PAK1: variants seen among roughly 807,000 people sequenced by gnomAD.
PAK1 encodes serine/threonine-protein kinase PAK 1.
In PAK1, 29 loss-of-function variants were observed where a neutral mutation model predicts 67.4. The observed-to-expected ratio is 0.43, with a 90% CI of 0.32 to 0.59. The LOEUF is 0.59. Among genes scored for constraint, PAK1 ranks in the 20% least tolerant of loss-of-function variants. The probability of loss-of-function intolerance (pLI) is 0.07; values close to 1 mark genes in which losing one functional copy is unlikely to be tolerated. For missense variants in PAK1, 337 were observed against 670.7 expected, an observed-to-expected ratio of 0.50 and a Z score of 5.50; for synonymous variants, 223 against 237.4, an observed-to-expected ratio of 0.94 and a Z score of 0.56.
At chr11:77,394,302 A>G (rs923986223) in intron 1 of PAK1, among the ~76,000 whole-genome samples, 14 of 152,182 alleles carry the variant, frequency 9.2e-5, no homozygotes, top group African/African-American at 3.4e-4. Context: ...TGGCCTCCAT[A>G]AATTTTGATT....
At chr11:77,500,865 C>T in the PAK1 span, among the ~76,000 whole-genome samples, 1 of 151,984 alleles carries the variant, frequency 6.6e-6, no homozygotes, top group Non-Finnish European at 1.5e-5. Flanking sequence ...TCAGTTCTTT[C>T]CCAACAGACT....
chr11:77,336,306 G>T, intron 12 of PAK1, 24 bp from the exon 13 acceptor site: 1 of 1,571,820 alleles, frequency 6.4e-7, no homozygotes, highest in Non-Finnish European at 8.7e-7. Context: ...ATAAGAGAAA[G>T]AACATACATT....
At chr11:77,418,307 C>T (rs1955080107) in intron 1 of PAK1, among the ~76,000 whole-genome samples, 1 of 152,156 alleles carries the variant, frequency 6.6e-6, no homozygotes. Flanking sequence ...ATCTAGCGTA[C>T]CCTCCACTAA....
chr11:77,520,535 C>T, the PAK1 span, among the ~76,000 whole-genome samples: 1 of 152,148 alleles, frequency 6.6e-6, no homozygotes, highest in Non-Finnish European at 1.5e-5. Context: ...AACTTTTACC[C>T]TCTTGCCAGC....
At chr11:77,373,345 T>A (rs1948680414) in intron 5 of PAK1, among the ~76,000 whole-genome samples, 1 of 151,980 alleles carries the variant, frequency 6.6e-6, no homozygotes, top group Non-Finnish European at 1.5e-5. Context: ...GAACACATAA[T>A]GAGAACCACA....
intron 1 of PAK1, among the ~76,000 whole-genome samples, chr11:77,408,422 A>G (rs1953962165): frequency 6.6e-6 from 1 of 151,994 alleles, no homozygotes; most frequent in Non-Finnish European, 1.5e-5. Flanking sequence ...CTGTCTCAAG[A>G]AAAGAAAAAG....
the PAK1 span, among the ~76,000 whole-genome samples, chr11:77,525,067 A>C: frequency 6.6e-6 from 1 of 152,068 alleles, no homozygotes; most frequent in Non-Finnish European, 1.5e-5. Context: ...AAAATAGGCC[A>C]GGCAATGTAG....
chr11:77,379,409 A>G, intron 3 of PAK1, 21 bp from the exon 4 acceptor site: 1 of 1,605,258 alleles, frequency 6.2e-7, no homozygotes, highest in Middle Eastern at 2.0e-4. Flanking sequence ...GACATGCAAG[A>G]CTAACAGGAA....
Position 77,450,894 on chromosome 11 carries a change from T to C in PAK1, c.-22+22658A>G, listed in dbSNP as rs1471432320. On this transcript the variant is annotated intron_variant, in intron 1 of 14. Coordinates refer to ENST00000356341, the MANE Select transcript of PAK1 (RefSeq NM_002576.5). Reference sequence around the variant, plus strand: ...CAAAACCTGCCATCTCTAGAGGCCCTTCTCTGGGCAGAAGAGCTTGCCTAT... The same window carrying C: ...CAAAACCTGCCATCTCTAGAGGCCCCTCTCTGGGCAGAAGAGCTTGCCTAT... 2.6e-5 allele frequency among the ~76,000 whole-genome samples: 4 copies of C among 152,198 alleles called. No individual in the cohort carries two copies. In the East Asian group the frequency reaches 7.7e-4, roughly 29 times the overall value.
At chr11:77,356,184 T>G (rs529358195) in intron 6 of PAK1, 1 of 182,646 alleles carries the variant, frequency 5.5e-6, no homozygotes. Context: ...AAAAGAAATA[T>G]CCTGTATTCC....
intron 10 of PAK1, among the ~76,000 whole-genome samples, chr11:77,343,057 G>A (rs1455231140): frequency 6.6e-6 from 1 of 151,660 alleles, no homozygotes; most frequent in African/African-American, 2.4e-5. Context: ...GTAAAATATG[G>A]ATAAAAAAAC....
chr11:77,528,729 T>A, the PAK1 span, among the ~76,000 whole-genome samples: 1 of 152,170 alleles, frequency 6.6e-6, no homozygotes, highest in African/African-American at 2.4e-5. Context: ...AGAAATTGAG[T>A]CATGTGTCTT....
At chr11:77,470,899 T>C (rs1419259406) in intron 1 of PAK1, among the ~76,000 whole-genome samples, 1 of 152,178 alleles carries the variant, frequency 6.6e-6, no homozygotes, top group Non-Finnish European at 1.5e-5. Flanking sequence ...CAGGCTTTGG[T>C]TGGAGACACA....
intron 1 of PAK1, among the ~76,000 whole-genome samples, chr11:77,461,857 G>A (rs11820118): frequency 0.068 from 10,330 of 152,180 alleles, 794 homozygotes; most frequent in East Asian, 0.24. Flanking sequence ...AGAAAACTGC[G>A]AATTTTGAAA....
upstream of PAK1, chr11:77,476,447 A>T (rs555990317): frequency 6.6e-6 from 1 of 152,198 alleles, no homozygotes; most frequent in Non-Finnish European, 1.5e-5. Flanking sequence ...TCACATTCCA[A>T]TCCCTGGGAA....
intron 1 of PAK1, among the ~76,000 whole-genome samples, chr11:77,440,603 C>T (rs1956312473): frequency 6.6e-6 from 1 of 152,126 alleles, no homozygotes; most frequent in Admixed American, 6.5e-5. Flanking sequence ...CTAAATAGAA[C>T]TCTTAGAATC....
chr11:77,527,373 G>A, the PAK1 span, among the ~76,000 whole-genome samples: 1 of 152,290 alleles, frequency 6.6e-6, no homozygotes, highest in South Asian at 2.1e-4. Flanking sequence ...AAAGTGTTGG[G>A]ATTACAGGCC....
chr11:77,352,515 G>GT (rs938014060), intron 8 of PAK1, among the ~76,000 whole-genome samples: 17 of 152,150 alleles, frequency 1.1e-4, no homozygotes, highest in Admixed American at 8.5e-4. Flanking sequence ...CAATTACTTT[G>GT]TTTTTTAATA....
chr11:77,504,064 G>C, the PAK1 span, among the ~76,000 whole-genome samples: 2 of 151,986 alleles, frequency 1.3e-5, no homozygotes, highest in African/African-American at 2.4e-5. Flanking sequence ...GTTAATTTTT[G>C]TATTTTTAAT....
Sources: allele counts gnomAD v4.1 joint callset (sites outside exome capture counted in the v4.1 genomes callset), GRCh38; gene constraint gnomAD v4.1.1; transcripts MANE v1.5; gene names NCBI Gene and HGNC (gene_info 2026-07-23, HGNC 2026-07-21).